Variants in ACVR1 observed in about 807,000 individuals in gnomAD.
ACVR1 encodes the protein activin A receptor type 1, also known as activin receptor type-1.
In ACVR1, 38 loss-of-function variants were observed where a neutral mutation model predicts 57.1. The ratio of observed to expected loss-of-function variants is 0.67; its 90% confidence interval spans 0.51 to 0.87. The LOEUF (loss-of-function observed/expected upper bound fraction) is 0.87. ACVR1 is among the 40% of genes least tolerant of loss of function. The probability of loss-of-function intolerance (pLI) is 0.00; values close to 1 mark genes in which losing one functional copy is unlikely to be tolerated. For missense variants in ACVR1, 463 were observed against 638.2 expected (o/e 0.73, Z 2.96); for synonymous variants, 212 against 228.1 (o/e 0.93, Z 0.63).
intron 3 of ACVR1, among the ~76,000 whole-genome samples, chr2:157,794,171 A>C (rs189822040): frequency 3.7e-4 from 56 of 152,328 alleles, no homozygotes; most frequent in African/African-American, 1.3e-3. Flanking sequence ...GAAAAGCCAA[A>C]CATGGAGGTT....
chr2:157,836,943 A>G (rs566642651), intron 1 of ACVR1, among the ~76,000 whole-genome samples: 39 of 152,366 alleles, frequency 2.6e-4, no homozygotes, highest in African/African-American at 8.4e-4. Context: ...GAATTGGTTC[A>G]TATCATGTGC....
At chr2:157,761,359 A>G (rs1448499333) in intron 8 of ACVR1, among the ~76,000 whole-genome samples, 1 of 152,190 alleles carries the variant, frequency 6.6e-6, no homozygotes. Flanking sequence ...CACTAAACCA[A>G]TGTGGCCTGT....
intron 8 of ACVR1, among the ~76,000 whole-genome samples, chr2:157,763,477 G>C (rs1367106589): frequency 6.6e-6 from 1 of 152,132 alleles, no homozygotes; most frequent in Non-Finnish European, 1.5e-5. Flanking sequence ...TCAACATTTT[G>C]GGAGGCCGAG....
Position 157,778,196 on chromosome 2 carries a change from G to A in ACVR1, c.478C>T (p.Arg160Ter), listed in dbSNP as rs188547477. The change falls in exon 5 of 11, where the codon CGA becomes TGA. Residue 160 changes from arginine to a stop codon, truncating the protein, a stop_gained. Transcript: ENST00000434821. LOFTEE classifies it high-confidence loss of function. ...KRRNQERLNPRDVEYGTIEGL... is the reference protein window; with the variant it reads ...KRRNQERLNP ...TCGATAGTGCCATACTCCACGTCTC[G>A]GGGATTGAGGCGTTCTTGGTTGCGC... 4.3e-6 allele frequency: 7 copies of A among 1,613,966 alleles called. No homozygotes were observed. Among genetic ancestry groups the A allele is most frequent in the South Asian group, 1.1e-5 (1 of 91,056 alleles).
chr2:157,807,555 A>G (rs1199183884), intron 2 of ACVR1, among the ~76,000 whole-genome samples: 1 of 149,438 alleles, frequency 6.7e-6, no homozygotes, highest in East Asian at 1.9e-4. Flanking sequence ...GCAAACTGTG[A>G]CTGGACCATT....
At position 157,855,269 on chromosome 2, in the gene ACVR1, AGTGTGTGTGTGT is replaced by A. The variant is rs532193935; in HGVS notation, c.-183+20515_-183+20526del. On this transcript the variant is annotated intron_variant, in intron 1 of 10. Coordinates refer to ENST00000434821, the MANE Select transcript of ACVR1 (RefSeq NM_001111067.4). ...TCGTCTCTTAAAAAAAAAAAAAAAA[AGTGTGTGTGTGT>A]GTGTGTGTGTGTGTGTGTGTGTGTG... 4.6e-3 allele frequency among the ~76,000 whole-genome samples: 393 copies of A among 85,164 alleles called. 11 individuals carry two copies. The East Asian group carries it at 0.071, about 15-fold the overall frequency. 55.9% of individuals were successfully genotyped at this position (85,164 alleles called of 152,430 possible).
At chr2:157,761,127 G>A in intron 8 of ACVR1, 50 bp from the exon 9 acceptor site, 1 of 1,593,464 alleles carries the variant, frequency 6.3e-7, no homozygotes, top group Non-Finnish European at 8.6e-7. Context: ...TTTCTCATAA[G>A]AGGCTGCTGA....
intron 2 of ACVR1, among the ~76,000 whole-genome samples, chr2:157,800,236 C>A (rs991473722): frequency 6.6e-6 from 1 of 152,108 alleles, no homozygotes; most frequent in Non-Finnish European, 1.5e-5. Context: ...TGGTAAAGTT[C>A]TTTAATGATA....
chr2:157,779,761 T>G (rs1395011542), intron 4 of ACVR1, among the ~76,000 whole-genome samples: 1 of 152,214 alleles, frequency 6.6e-6, no homozygotes, highest in Non-Finnish European at 1.5e-5. Context: ...ATATGCAATC[T>G]GTACTGATGG....
chr2:157,838,088 T>TTC (rs560783324), intron 1 of ACVR1, among the ~76,000 whole-genome samples: 6 of 150,728 alleles, frequency 4.0e-5, no homozygotes, highest in African/African-American at 1.2e-4. Context: ...AGAAAGCTTT[T>TTC]CCCCCCCTCC....
intron 2 of ACVR1, among the ~76,000 whole-genome samples, chr2:157,808,524 A>G (rs1235143525): frequency 6.6e-6 from 1 of 152,206 alleles, no homozygotes; most frequent in Non-Finnish European, 1.5e-5. Flanking sequence ...GAGGCAGCCA[A>G]ACAAAAAGAC....
At chr2:157,853,597 C>G (rs555857698) in intron 1 of ACVR1, among the ~76,000 whole-genome samples, 7 of 152,116 alleles carry the variant, frequency 4.6e-5, no homozygotes, top group Non-Finnish European at 8.8e-5. Flanking sequence ...TGCTCATAAC[C>G]GTTCCAAAAT....
intron 9 of ACVR1, among the ~76,000 whole-genome samples, chr2:157,754,513 T>G (rs149126615): frequency 6.6e-6 from 1 of 151,974 alleles, no homozygotes; most frequent in Non-Finnish European, 1.5e-5. Context: ...CTAGAGGAGA[T>G]AGATAAATTC....
chr2:157,815,662 T>C (rs945106288), intron 2 of ACVR1, among the ~76,000 whole-genome samples: 6 of 152,224 alleles, frequency 3.9e-5, no homozygotes, highest in African/African-American at 1.2e-4. Context: ...TATTCATTAC[T>C]TCCTCTTAAA....
chr2:157,781,064 A>G (rs911088885), intron 3 of ACVR1, among the ~76,000 whole-genome samples: 6 of 152,234 alleles, frequency 3.9e-5, no homozygotes, highest in Non-Finnish European at 7.3e-5. Context: ...GCTCTGTACA[A>G]ATCCCCATCA....
At chr2:157,851,542 C>T (rs1689301080) in intron 1 of ACVR1, among the ~76,000 whole-genome samples, 2 of 152,074 alleles carry the variant, frequency 1.3e-5, no homozygotes. Flanking sequence ...GTGAATATGA[C>T]AGCTCTAATC....
chr2:157,821,558 A>T lies in ACVR1; in HGVS notation c.-182-2999T>A, dbSNP rs1026234710. Among the ~76,000 whole-genome samples, 6 of 152,224 alleles carry T rather than the reference A, an allele frequency of 3.9e-5. No individual in the cohort carries two copies. The East Asian group carries it at 1.2e-3, about 29-fold the overall frequency. ...TAAAAAATAAAAAAATAAAATAAAAAAATCAGTGCCATGAAATGAATATCT... is the reference window on the plus strand; with the variant it reads ...TAAAAAATAAAAAAATAAAATAAAATAATCAGTGCCATGAAATGAATATCT... On this transcript the variant is annotated intron_variant, in intron 1 of 10. Coordinates refer to ENST00000434821, the MANE Select transcript of ACVR1 (RefSeq NM_001111067.4).
In ACVR1 at chr2:157,770,053, G is replaced by C. The variant is rs113783679; in HGVS notation, c.790+315C>G. On this transcript the variant is annotated intron_variant, in intron 7 of 10. Coordinates refer to ENST00000434821, the MANE Select transcript of ACVR1 (RefSeq NM_001111067.4). ...TAAATATTCAAAAAGGGTGGGGTGA[G>C]TAGAACAACCAATGAGCCTTGAAGT... Among the ~76,000 whole-genome samples, 81 of 152,168 alleles carry C rather than the reference G, an allele frequency of 5.3e-4. 1 individual carries two copies. The highest frequency in any genetic ancestry group is 1.0e-4 in the Non-Finnish European group (7 of 68,022).
At chr2:157,743,433 G>T (rs1263371712) in intron 9 of ACVR1, among the ~76,000 whole-genome samples, 1 of 151,610 alleles carries the variant, frequency 6.6e-6, no homozygotes, top group African/African-American at 2.4e-5. Context: ...GATATTCTGG[G>T]GATTTTTTGC....
Sources: allele counts gnomAD v4.1 joint callset (sites outside exome capture counted in the v4.1 genomes callset), GRCh38; gene constraint gnomAD v4.1.1; transcripts MANE v1.5; gene names NCBI Gene and HGNC (gene_info 2026-07-23, HGNC 2026-07-21).